SEC24B: variants seen among roughly 807,000 people sequenced by gnomAD.
SEC24B encodes the protein protein transport protein Sec24B.
Under a neutral mutation model 142.8 loss-of-function variants are expected in SEC24B, and 45 were observed. That is an observed-to-expected ratio of 0.32 (90% CI 0.25 to 0.40). SEC24B has a LOEUF of 0.40. Ranked by LOEUF, SEC24B falls within the 10% of genes least tolerant of loss-of-function variation. SEC24B has a pLI of 1.00. For missense variants in SEC24B, 1,409 were observed against 1,526.8 expected (o/e 0.92, Z 1.29); for synonymous variants, 574 against 568.2 (o/e 1.01, Z -0.15).
intron 1 of SEC24B, among the ~76,000 whole-genome samples, chr4:109,447,425 G>C (rs1276940602): frequency 6.6e-6 from 1 of 152,100 alleles, no homozygotes. Context: ...ACTGTCTTCT[G>C]CCCTGATGAA....
At chr4:109,505,890 C>T (rs984341664) in intron 6 of SEC24B, among the ~76,000 whole-genome samples, 2 of 152,052 alleles carry the variant, frequency 1.3e-5, no homozygotes, top group Non-Finnish European at 2.9e-5. Flanking sequence ...TTTGAGATAA[C>T]AAGCCATTAA....
intron 20 of SEC24B, 135 bp from the exon 21 acceptor site, chr4:109,532,504 A>G: frequency 1.5e-6 from 1 of 646,794 alleles, no homozygotes; most frequent in Non-Finnish European, 2.8e-6. Context: ...GGTAGCATAT[A>G]ATCAGTATTT....
chr4:109,519,461 G>C (rs1421592355), intron 11 of SEC24B, among the ~76,000 whole-genome samples: 1 of 152,150 alleles, frequency 6.6e-6, no homozygotes, highest in South Asian at 2.1e-4. Flanking sequence ...TTTTGGAAAG[G>C]GCTCTGGAAA....
intron 4 of SEC24B, among the ~76,000 whole-genome samples, chr4:109,483,048 TTATGTA>T (rs1561117583): frequency 6.7e-5 from 8 of 119,056 alleles, no homozygotes; most frequent in African/African-American, 3.2e-4. Context: ...ATATATGTAT[TTATGTA>T]TTTATATATA....
At position 109,521,555 on chromosome 4, in the gene SEC24B, A is replaced by C; in HGVS notation, c.2437A>C (p.Thr813Pro). 1 of 1,614,174 alleles carries C rather than the reference A, an allele frequency of 6.2e-7. No homozygotes were observed. The highest frequency in any genetic ancestry group is 8.5e-7 in the Non-Finnish European group (1 of 1,180,012). Reference protein sequence around the residue: ...PTGGRVSVFQTQLPSLGAGLL... With the variant: ...PTGGRVSVFQPQLPSLGAGLL... ...AGGTGGCCGTGTGTCTGTATTTCAGACACAGTTACCTTCCTTGGGTGCAGG... is the reference window on the plus strand; with the variant it reads ...AGGTGGCCGTGTGTCTGTATTTCAGCCACAGTTACCTTCCTTGGGTGCAGG... Residue 813 changes from threonine to proline, a missense_variant, in exon 14 of 24, where the codon ACA becomes CCA. By Grantham distance (38) the Thr-to-Pro change is conservative (BLOSUM62 -1). Transcript: ENST00000265175.
intron 3 of SEC24B, among the ~76,000 whole-genome samples, chr4:109,474,377 C>CT (rs1012617645): frequency 6.7e-6 from 1 of 149,968 alleles, no homozygotes; most frequent in South Asian, 2.1e-4. Context: ...AAATGTTTCG[C>CT]TTTTTTTGGC....
At chr4:109,534,741 C>T (rs1725321354) in intron 22 of SEC24B, among the ~76,000 whole-genome samples, 1 of 152,126 alleles carries the variant, frequency 6.6e-6, no homozygotes, top group Admixed American at 6.5e-5. Flanking sequence ...TTATCTGTAA[C>T]TCAAAAGACT....
intron 1 of SEC24B, among the ~76,000 whole-genome samples, chr4:109,456,166 T>G (rs2125918887): frequency 6.6e-6 from 1 of 152,154 alleles, no homozygotes; most frequent in South Asian, 2.1e-4. Flanking sequence ...AAATCTTAAT[T>G]CCCCTTGTTT....
intron 1 of SEC24B, among the ~76,000 whole-genome samples, chr4:109,443,527 C>T (rs1219802076): frequency 6.6e-6 from 1 of 152,178 alleles, no homozygotes; most frequent in African/African-American, 2.4e-5. Context: ...CAGGCATGAA[C>T]CACCATGCCT....
intron 1 of SEC24B, among the ~76,000 whole-genome samples, chr4:109,456,335 T>TTG (rs1265069588): frequency 3.3e-5 from 2 of 61,294 alleles, no homozygotes; most frequent in Admixed American, 1.6e-4. Flanking sequence ...GTTTTTTTTG[T>TTG]TTTTTTTTTT....
intron 22 of SEC24B, among the ~76,000 whole-genome samples, chr4:109,536,892 A>T (rs1304550709): frequency 6.6e-6 from 1 of 151,964 alleles, no homozygotes; most frequent in Non-Finnish European, 1.5e-5. Context: ...GATTCAAAAG[A>T]TCAATAAATC....
At position 109,538,582 on chromosome 4, in the gene SEC24B, C is replaced by G; in HGVS notation, c.3678C>G (p.Ile1226Met). 2 of 1,595,216 alleles carry G rather than the reference C, an allele frequency of 1.3e-6. No homozygotes were observed. Among genetic ancestry groups the G allele is most frequent in the Non-Finnish European group, 1.7e-6 (2 of 1,162,846 alleles). The part of the protein sequence containing the change: ...WLRDSRPLSP[I>M]LHIVKDESPA... ...GAGACAGCAGACCATTAAGTCCAATCCTTCACATAGTAAAGTAAGTACTTT... is the reference window on the plus strand; with the variant it reads ...GAGACAGCAGACCATTAAGTCCAATGCTTCACATAGTAAAGTAAGTACTTT... Residue 1226 changes from isoleucine (I) to methionine (M), a missense_variant, in exon 23 of 24, where the codon ATC becomes ATG. Ile to Met is a conservative substitution (Grantham distance 10, BLOSUM62 1). This residue lies in a region of SEC24B where 700 missense variants were observed against 853.3 expected (regional missense o/e 0.82). Transcript: ENST00000265175.
At chr4:109,524,985 T>C in intron 15 of SEC24B, 44 bp downstream of exon 15, 1 of 1,530,460 alleles carries the variant, frequency 6.5e-7, no homozygotes, top group Non-Finnish European at 8.9e-7. Context: ...ATGAACATTT[T>C]TAATGCATAA....
chr4:109,504,942 A>G (rs1035213279), intron 6 of SEC24B, among the ~76,000 whole-genome samples: 2 of 152,178 alleles, frequency 1.3e-5, no homozygotes, highest in African/African-American at 2.4e-5. Context: ...AGGTATAGAC[A>G]TAGAGTTATT....
chr4:109,517,170 A>G (rs1723026189), intron 11 of SEC24B, among the ~76,000 whole-genome samples: 3 of 152,238 alleles, frequency 2.0e-5, no homozygotes, highest in African/African-American at 2.4e-5. Context: ...CTGCACTCCC[A>G]TGTTTATTGT....
At chr4:109,522,379 G>T (rs906669801) in intron 14 of SEC24B, among the ~76,000 whole-genome samples, 1 of 151,996 alleles carries the variant, frequency 6.6e-6, no homozygotes, top group Non-Finnish European at 1.5e-5. Flanking sequence ...TATCTTTTTG[G>T]TTTTGTGTCA....
intron 5 of SEC24B, among the ~76,000 whole-genome samples, chr4:109,493,507 T>G (rs1735219518): frequency 6.6e-6 from 1 of 152,190 alleles, no homozygotes; most frequent in Non-Finnish European, 1.5e-5. Flanking sequence ...TTTCTGCAGT[T>G]TTTTTGTTTT....
intron 1 of SEC24B, among the ~76,000 whole-genome samples, chr4:109,461,746 CTT>C (rs903268262): frequency 6.6e-6 from 1 of 152,216 alleles, no homozygotes; most frequent in Admixed American, 6.5e-5. Context: ...AATTCATACT[CTT>C]TATTGTTTGA....
chr4:109,460,859 A>G (rs1197807884), intron 1 of SEC24B, among the ~76,000 whole-genome samples: 1 of 151,714 alleles, frequency 6.6e-6, no homozygotes, highest in Non-Finnish European at 1.5e-5. Context: ...ATATATAAAG[A>G]TGAAAGTATA....
Sources: gnomAD v4.1 joint callset for allele counts (sites outside exome capture counted in the v4.1 genomes callset) on GRCh38, gnomAD v4.1.1 for gene constraint, gnomAD v4.1.1 regional missense constraint, MANE v1.5 for transcripts, NCBI Gene and HGNC (gene_info 2026-07-23, HGNC 2026-07-21) for gene names.